The following DNAH7 variants were observed in gnomAD, a reference collection of about 807,000 sequenced individuals.
DNAH7 encodes the protein axonemal beta dynein heavy chain 7.
A neutral mutation model predicts 444.6 loss-of-function variants in DNAH7; 397 were observed. The observed-to-expected ratio is 0.89, with a 90% CI of 0.82 to 0.97. The LOEUF is 0.97. DNAH7 is among the 50% of genes least tolerant of loss of function. DNAH7 has a pLI of 0.00. For synonymous variants in DNAH7, 1,636 were observed against 1,624.4 expected, an observed-to-expected ratio of 1.01 and a Z score of -0.17; for missense variants, 4,902 against 4,800.8, an observed-to-expected ratio of 1.02 and a Z score of -0.62.
chr2:195,846,146 C>T (rs572769034), intron 46 of DNAH7, among the ~76,000 whole-genome samples: 7 of 152,196 alleles, frequency 4.6e-5, no homozygotes, highest in South Asian at 4.1e-4. Flanking sequence ...CCATAAGGAA[C>T]GTAAACAAAT....
chr2:196,062,521 T>C (rs774860504), intron 1 of DNAH7, among the ~76,000 whole-genome samples: 1 of 152,230 alleles, frequency 6.6e-6, no homozygotes, highest in African/African-American at 2.4e-5. Flanking sequence ...TCCTAAGTTT[T>C]GTAATGACCT....
chr2:195,970,161 C>A, intron 16 of DNAH7, 67 bp from the exon 17 acceptor site: 1 of 1,450,032 alleles, frequency 6.9e-7, no homozygotes, highest in Non-Finnish European at 9.3e-7. Flanking sequence ...AAAATTTTAA[C>A]ATTGTAGGAG....
intron 63 of DNAH7, among the ~76,000 whole-genome samples, chr2:195,744,468 A>C (rs1436624119): frequency 1.3e-5 from 2 of 152,210 alleles, no homozygotes; most frequent in East Asian, 3.9e-4. Context: ...TGCAGACTTA[A>C]ATGTCCCTGT....
chr2:196,013,786 A>G (rs1036330810), intron 9 of DNAH7, among the ~76,000 whole-genome samples: 1 of 152,224 alleles, frequency 6.6e-6, no homozygotes, highest in African/African-American at 2.4e-5. Flanking sequence ...AAAATATAGC[A>G]TAATAGCACA....
chr2:195,934,466 C>T (rs1688911190), intron 21 of DNAH7, 125 bp downstream of exon 21: 2 of 1,035,066 alleles, frequency 1.9e-6, no homozygotes, highest in South Asian at 3.1e-5. Flanking sequence ...TTATCTATCA[C>T]ATTTGAATTG....
chr2:196,068,650 G>A (rs1698566185), intron 1 of DNAH7, 47 bp downstream of exon 1: 1 of 1,549,876 alleles, frequency 6.5e-7, no homozygotes, highest in Non-Finnish European at 8.7e-7. Flanking sequence ...GAAACGCCTG[G>A]GAAGCGTCGC....
rs1358800072 is a variant in DNAH7, at chr2:195,906,930, T to G, written c.4184A>C (p.Gln1395Pro). 3.7e-6 allele frequency: 6 copies of G among 1,613,206 alleles called. No homozygotes were observed. The highest frequency in any genetic ancestry group is 4.2e-6 in the Non-Finnish European group (5 of 1,179,508). Residue 1395 changes from glutamine (Q) to proline (P), a missense_variant, in exon 26 of 65, where the codon CAA becomes CCA. By Grantham distance (76) the Gln-to-Pro change is moderately conservative (BLOSUM62 -1). Transcript: ENST00000312428. ...ACCTCTTTGGATAGTAAGGATTTGT[T>G]GAGCAACCACAGAGAGTACTTCCAA... The part of the protein sequence containing the change: ...IDLEVLSVVA[Q>P]QILTIQRGIN...
chr2:195,970,511 G>A (rs765058957), intron 16 of DNAH7, among the ~76,000 whole-genome samples: 3 of 152,014 alleles, frequency 2.0e-5, no homozygotes, highest in South Asian at 2.1e-4. Flanking sequence ...TGAAAAAAAC[G>A]GAATTTCTTT....
chr2:195,987,210 G>A lies in DNAH7; in HGVS notation c.1627-17C>T, dbSNP rs779540345. 6.6e-7 allele frequency: 1 copy of A among 1,521,958 alleles called. No homozygotes were observed. The allele number at this position is 1,521,958 out of a possible 1,614,324, so 94.3% of individuals were successfully genotyped here. On this transcript the variant is annotated splice_polypyrimidine_tract_variant and intron_variant, in intron 13 of 64. Coordinates refer to ENST00000312428, the MANE Select transcript of DNAH7 (RefSeq NM_018897.3). ...ACGAATAGTCTGCAAAAGATTAAAA[G>A]TTTAATCAACATAAGAAGAAATAAA...
At chr2:195,947,585 T>C (rs950656998) in intron 19 of DNAH7, among the ~76,000 whole-genome samples, 1 of 152,096 alleles carries the variant, frequency 6.6e-6, no homozygotes, top group East Asian at 1.9e-4. Flanking sequence ...AAAATGATGG[T>C]TTCCAGCTTC....
chr2:195,865,765 T>C (rs1700297790), intron 40 of DNAH7, among the ~76,000 whole-genome samples: 1 of 152,158 alleles, frequency 6.6e-6, no homozygotes, highest in Non-Finnish European at 1.5e-5. Context: ...GATTTGGGGA[T>C]AGGGCCTTTA....
chr2:195,831,430 G>C (rs983731413), intron 48 of DNAH7, among the ~76,000 whole-genome samples: 1 of 152,144 alleles, frequency 6.6e-6, no homozygotes, highest in African/African-American at 2.4e-5. Flanking sequence ...TGCCTGTGAG[G>C]GACAATAGAT....
Position 195,881,879 on chromosome 2 carries a change from A to G in DNAH7, c.5877T>C (p.Ser1959=), listed in dbSNP as rs768164324. 2.7e-5 allele frequency: 44 copies of G among 1,613,918 alleles called. No homozygotes were observed. Among genetic ancestry groups the G allele is most frequent in the Non-Finnish European group, 3.7e-5 (44 of 1,179,924 alleles). ...IVPTLDTIRY[S]ALMELLTTHQ... ...GGGTGGTCAGCAATTCCATTAATGC[A>G]GAGTATCGAATTGTGTCCAGAGTTG... is the stretch of plus-strand genomic sequence containing the variant. The change falls in exon 36 of 65, where the codon TCT becomes TCC. Residue 1959 remains serine (S), a synonymous_variant. Transcript: ENST00000312428.
At chr2:196,041,223 A>G (rs911792724) in intron 5 of DNAH7, among the ~76,000 whole-genome samples, 11 of 152,060 alleles carry the variant, frequency 7.2e-5, no homozygotes, top group African/African-American at 2.7e-4. Context: ...ATATGGAACC[A>G]CAAAAGACCC....
intron 61 of DNAH7, among the ~76,000 whole-genome samples, chr2:195,756,976 A>G (rs1335480822): frequency 6.6e-5 from 10 of 151,548 alleles, no homozygotes; most frequent in Non-Finnish European, 1.5e-4. Context: ...TGGGTGACAA[A>G]GTGAGACCCT....
At chr2:195,866,440 C>CA (rs1339250035) in intron 40 of DNAH7, among the ~76,000 whole-genome samples, 11 of 152,082 alleles carry the variant, frequency 7.2e-5, no homozygotes, top group Non-Finnish European at 4.4e-5. Flanking sequence ...CTCTGTGAGA[C>CA]AATCTAATTT....
chr2:195,852,229 G>T (rs1252287019), intron 46 of DNAH7, among the ~76,000 whole-genome samples: 1 of 152,104 alleles, frequency 6.6e-6, no homozygotes, highest in Admixed American at 6.5e-5. Context: ...CTGCACTCCA[G>T]TCTGGGCGAC....
intron 6 of DNAH7, 72 bp from the exon 7 acceptor site, chr2:196,027,012 A>G: frequency 8.1e-7 from 1 of 1,236,612 alleles, no homozygotes; most frequent in Non-Finnish European, 1.1e-6. Context: ...AAAACTACCA[A>G]GCAAAATTCA....
At chr2:195,918,261 C>T (rs1031145085) in intron 24 of DNAH7, among the ~76,000 whole-genome samples, 2 of 152,162 alleles carry the variant, frequency 1.3e-5, no homozygotes, top group African/African-American at 4.8e-5. Context: ...ATTAGAATGA[C>T]TAAAATCAAA....
Sources: gnomAD v4.1 joint callset for allele counts (sites outside exome capture counted in the v4.1 genomes callset) on GRCh38, gnomAD v4.1.1 for gene constraint, MANE v1.5 for transcripts, NCBI Gene and HGNC (gene_info 2026-07-23, HGNC 2026-07-21) for gene names.